The following SDK1 variants were observed in gnomAD, a reference collection of about 807,000 sequenced individuals.
SDK1 encodes sidekick cell adhesion molecule 1, also known as protein sidekick-1.
In SDK1, 157 loss-of-function variants were observed where a neutral mutation model predicts 245.5. That is an observed-to-expected ratio of 0.64 (90% CI 0.56 to 0.73). The LOEUF (loss-of-function observed/expected upper bound fraction) is 0.73, where lower values mean the gene tolerates loss of function less well. Among genes scored for constraint, SDK1 ranks in the 30% least tolerant of loss-of-function variants. SDK1 has a pLI of 0.00. For synonymous variants in SDK1, 1,647 were observed against 1,278.5 expected (o/e 1.29, Z -6.15); for missense variants, 3,583 against 3,002.3 (o/e 1.19, Z -4.52).
At chr7:3,443,503 A>G (rs1264226822) in intron 1 of SDK1, among the ~76,000 whole-genome samples, 2 of 152,212 alleles carry the variant, frequency 1.3e-5, no homozygotes, top group African/African-American at 2.4e-5. Flanking sequence ...TTAACTGCAC[A>G]GATGATGTGA....
At chr7:3,409,368 C>T (rs1779139236) in intron 1 of SDK1, among the ~76,000 whole-genome samples, 1 of 150,136 alleles carries the variant, frequency 6.7e-6, no homozygotes, top group African/African-American at 2.5e-5. Context: ...GAATGGATTA[C>T]AATCTGATCA....
At chr7:3,475,610 T>C (rs1781327660) in intron 1 of SDK1, among the ~76,000 whole-genome samples, 1 of 152,232 alleles carries the variant, frequency 6.6e-6, no homozygotes, top group Admixed American at 6.5e-5. Flanking sequence ...TCATTGATTG[T>C]ATAAAAATCA....
intron 20 of SDK1, among the ~76,000 whole-genome samples, chr7:4,074,321 T>C (rs12701386): frequency 0.26 from 40,153 of 152,066 alleles, 5,479 homozygotes; most frequent in Middle Eastern, 0.36. Flanking sequence ...TGACCTAAGC[T>C]GATTCAAGGT....
intron 37 of SDK1, among the ~76,000 whole-genome samples, chr7:4,209,027 G>C (rs1388707009): frequency 6.6e-6 from 1 of 152,214 alleles, no homozygotes; most frequent in Non-Finnish European, 1.5e-5. Flanking sequence ...GCAGGGCTCA[G>C]GGCCTTCCGA....
chr7:3,498,897 G>C (rs963202279), intron 1 of SDK1, among the ~76,000 whole-genome samples: 8 of 152,086 alleles, frequency 5.3e-5, no homozygotes, highest in African/African-American at 1.9e-4. Flanking sequence ...TGACACTTTA[G>C]GGGACCCAGT....
At chr7:3,311,734 C>T (rs1023141744) in intron 1 of SDK1, among the ~76,000 whole-genome samples, 2 of 152,168 alleles carry the variant, frequency 1.3e-5, no homozygotes, top group African/African-American at 2.4e-5. Context: ...CACCACCCTG[C>T]TATAAACACA....
Position 4,208,242 on chromosome 7 carries a change from T to G in SDK1, c.5358T>G (p.Asp1786Glu). 1 of 1,613,962 alleles carries G rather than the reference T, an allele frequency of 6.2e-7. No individual in the cohort carries two copies. Among genetic ancestry groups the G allele is most frequent in the Non-Finnish European group, 8.5e-7 (1 of 1,179,984 alleles). ...TATCAGCCTTCAACGCCGCCGGAGA[T>G]GGACCTAAGAGTGACCCCCAGCAGG... ...VSISAFNAAG[D>E]GPKSDPQQGR... The change falls in exon 37 of 45, where the codon GAT becomes GAG. Residue 1786 changes from aspartate to glutamate, a missense_variant. By Grantham distance (45) the Asp-to-Glu change is conservative. Coordinates refer to ENST00000404826, the MANE Select transcript of SDK1 (RefSeq NM_152744.4).
At chr7:3,742,278 C>G (rs1463735096) in intron 4 of SDK1, among the ~76,000 whole-genome samples, 1 of 151,912 alleles carries the variant, frequency 6.6e-6, no homozygotes, top group East Asian at 1.9e-4. Context: ...CTCTGGCATA[C>G]AGATTACATT....
chr7:3,735,960 A>G, intron 4 of SDK1, among the ~76,000 whole-genome samples: 1 of 152,174 alleles, frequency 6.6e-6, no homozygotes, highest in Non-Finnish European at 1.5e-5. Context: ...ATCTTCTCAT[A>G]TGCTTTTTGC....
At chr7:4,172,692 C>T (rs991437628) in intron 32 of SDK1, among the ~76,000 whole-genome samples, 8 of 152,132 alleles carry the variant, frequency 5.3e-5, no homozygotes, top group African/African-American at 1.9e-4. Context: ...CTCAAGGTGT[C>T]GGCAGGGTCC....
chr7:4,051,716 G>A lies in SDK1; in HGVS notation c.2797G>A (p.Gly933Arg). 1.2e-6 allele frequency: 2 copies of A among 1,613,882 alleles called. No individual in the cohort carries two copies. The highest frequency in any genetic ancestry group is 1.7e-6 in the Non-Finnish European group (2 of 1,179,930). The change falls in exon 19 of 45, where the codon GGA becomes AGA. Residue 933 changes from glycine (G) to arginine (R), a missense_variant. Physicochemically the swap from Gly to Arg is moderately radical, Grantham distance 125. Coordinates refer to ENST00000404826, the MANE Select transcript of SDK1 (RefSeq NM_152744.4). Reference sequence around the variant, plus strand: ...CCCAGATTTCCACGGAGTCCACCATGGACACATAACGAACCTGAAGAAGTT... The same window carrying A: ...CCCAGATTTCCACGGAGTCCACCATAGACACATAACGAACCTGAAGAAGTT... ...IAPDFHGVHH[G>R]HITNLKKFTA... is the part of the protein sequence containing the mutation.
In SDK1 at chr7:3,623,250, T is replaced by C. The variant is rs571980998; in HGVS notation, c.458+4011T>C. 2.9e-3 allele frequency among the ~76,000 whole-genome samples: 427 copies of C among 148,186 alleles called. 6 individuals are homozygous for C. Among genetic ancestry groups the C allele is most frequent in the African/African-American group, 9.9e-3 (403 of 40,524 alleles). The stretch of plus-strand genomic sequence containing the variant: ...GAATTTCAAGTGTTGTATTTCTTTT[T>C]TTTTTTTTTTTTTTTGATGTGGAAT... On this transcript the variant is annotated intron_variant, in intron 2 of 44. Coordinates refer to ENST00000404826, the MANE Select transcript of SDK1 (RefSeq NM_152744.4).
intron 1 of SDK1, among the ~76,000 whole-genome samples, chr7:3,447,643 A>G (rs2128590576): frequency 7.0e-6 from 1 of 143,022 alleles, no homozygotes; most frequent in South Asian, 2.3e-4. Context: ...CCTGTGAGGT[A>G]TTGTTTTTTG....
intron 1 of SDK1, among the ~76,000 whole-genome samples, chr7:3,462,006 C>G (rs1780845386): frequency 6.6e-6 from 1 of 152,192 alleles, no homozygotes; most frequent in African/African-American, 2.4e-5. Flanking sequence ...CCTAACCCTT[C>G]CCTAATCTAA....
At position 4,193,166 on chromosome 7, in the gene SDK1, A is replaced by T. The variant is rs559858102; in HGVS notation, c.5099-12713A>T. On this transcript the variant is annotated intron_variant, in intron 35 of 44. Coordinates refer to ENST00000404826, the MANE Select transcript of SDK1 (RefSeq NM_152744.4). ...AATATATTTATATAATATATATTAA[A>T]ATATTTATATATTGTATAAATATAT... Among the ~76,000 whole-genome samples, 819 of 132,956 alleles carry T rather than the reference A, an allele frequency of 6.2e-3. 6 individuals are homozygous for T. The highest frequency in any genetic ancestry group is 0.021 in the African/African-American group (738 of 35,012). The allele number at this position is 132,956 out of a possible 152,430, so 87.2% of individuals were successfully genotyped here.
intron 1 of SDK1, among the ~76,000 whole-genome samples, chr7:3,608,627 T>A (rs2128641255): frequency 6.6e-6 from 1 of 152,292 alleles, no homozygotes; most frequent in African/African-American, 2.4e-5. Context: ...TTTGTGATAT[T>A]TTTTACATTG....
At chr7:3,664,971 G>C (rs918335261) in intron 4 of SDK1, among the ~76,000 whole-genome samples, 20 of 152,174 alleles carry the variant, frequency 1.3e-4, no homozygotes, top group Admixed American at 6.5e-5. Flanking sequence ...CATATCCACA[G>C]CAGGATGATT....
At position 4,188,893 on chromosome 7, in the gene SDK1, G is replaced by A. The variant is rs369722019; in HGVS notation, c.5098+10307G>A. 2.0e-3 allele frequency among the ~76,000 whole-genome samples: 306 copies of A among 152,152 alleles called. 5 individuals carry two copies. The South Asian group carries it at 0.051, about 25-fold the overall frequency. On this transcript the variant is annotated intron_variant, in intron 35 of 44. Transcript: ENST00000404826. Reference sequence around the variant, plus strand: ...CAAGTCTGTCTGAAGACATTCCTTCGTTCCACAGACATCTTTACTGTTGCC... The same window carrying A: ...CAAGTCTGTCTGAAGACATTCCTTCATTCCACAGACATCTTTACTGTTGCC...
At chr7:3,463,747 A>G (rs1372922802) in intron 1 of SDK1, among the ~76,000 whole-genome samples, 1 of 152,156 alleles carries the variant, frequency 6.6e-6, no homozygotes, top group Non-Finnish European at 1.5e-5. Context: ...TCACTCCTTG[A>G]ATGCTGGTCT....
Sources: gnomAD v4.1 joint callset for allele counts (sites outside exome capture counted in the v4.1 genomes callset) on GRCh38, gnomAD v4.1.1 for gene constraint, MANE v1.5 for transcripts, NCBI Gene and HGNC (gene_info 2026-07-23, HGNC 2026-07-21) for gene names.